Variants in SRBD1 observed in about 807,000 individuals in gnomAD.
SRBD1 encodes the protein S1 RNA-binding domain-containing protein 1.
A neutral mutation model predicts 115.3 loss-of-function variants in SRBD1; 88 were observed. That is an observed-to-expected ratio of 0.76 (90% CI 0.64 to 0.91). SRBD1 has a LOEUF of 0.91. SRBD1 is among the 40% of genes least tolerant of loss of function. The probability of loss-of-function intolerance (pLI) is 0.00; values close to 1 mark genes in which losing one functional copy is unlikely to be tolerated. For synonymous variants in SRBD1, 509 were observed against 407.7 expected (o/e 1.25, Z -2.99); for missense variants, 1,385 against 1,177.4 (o/e 1.18, Z -2.58).
chr2:45,497,010 T>G (rs964457662), intron 14 of SRBD1, among the ~76,000 whole-genome samples: 2 of 152,094 alleles, frequency 1.3e-5, no homozygotes. Context: ...AAAGAATGAG[T>G]TGCTCAGTTC....
intron 15 of SRBD1, among the ~76,000 whole-genome samples, chr2:45,484,762 G>T (rs1670065200): frequency 6.6e-6 from 1 of 152,150 alleles, no homozygotes; most frequent in Non-Finnish European, 1.5e-5. Context: ...TCTCTCCCCA[G>T]TCCCTGACAA....
At chr2:45,396,677 G>C (rs1315739846) in intron 19 of SRBD1, among the ~76,000 whole-genome samples, 1 of 152,166 alleles carries the variant, frequency 6.6e-6, no homozygotes, top group Non-Finnish European at 1.5e-5. Context: ...CTTGTTATAA[G>C]TGCAGGGCTT....
intron 16 of SRBD1, among the ~76,000 whole-genome samples, chr2:45,466,969 G>C (rs2103790669): frequency 6.6e-6 from 1 of 152,314 alleles, no homozygotes; most frequent in East Asian, 1.9e-4. Context: ...CAGGTTAACT[G>C]AATCAGAGTT....
intron 7 of SRBD1, among the ~76,000 whole-genome samples, chr2:45,577,224 G>A (rs1243569220): frequency 6.6e-6 from 1 of 152,144 alleles, no homozygotes; most frequent in Non-Finnish European, 1.5e-5. Context: ...GTCCAACCAG[G>A]GAGAAAAATA....
At chr2:45,526,230 CA>C (rs1245196377) in intron 14 of SRBD1, among the ~76,000 whole-genome samples, 4 of 151,920 alleles carry the variant, frequency 2.6e-5, no homozygotes, top group African/African-American at 9.7e-5. Flanking sequence ...AATGGATAAA[CA>C]AAATGTTGTA....
chr2:45,491,002 G>T (rs1322159630), intron 14 of SRBD1, among the ~76,000 whole-genome samples: 3 of 152,196 alleles, frequency 2.0e-5, no homozygotes, highest in African/African-American at 7.2e-5. Context: ...CCTCAACATT[G>T]ATTACTTCAA....
chr2:45,500,285 G>C (rs1357992517), intron 14 of SRBD1, among the ~76,000 whole-genome samples: 1 of 151,154 alleles, frequency 6.6e-6, no homozygotes, highest in East Asian at 1.9e-4. Context: ...GTCTCTGTGT[G>C]TGTGTGTGTG....
chr2:45,413,528 G>C (rs1402002929), intron 18 of SRBD1, among the ~76,000 whole-genome samples: 1 of 152,180 alleles, frequency 6.6e-6, no homozygotes, highest in African/African-American at 2.4e-5. Context: ...CATTCTAAGA[G>C]AGAAAAGAGG....
intron 8 of SRBD1, among the ~76,000 whole-genome samples, chr2:45,573,933 A>C (rs143160309): frequency 6.6e-6 from 1 of 152,324 alleles, no homozygotes; most frequent in Admixed American, 6.5e-5. Context: ...GCACAGCTCA[A>C]ACAGCTAGAT....
rs1332783064 is a variant in SRBD1 at position 45,553,681 on chromosome 2, T to G, written c.1459A>C (p.Asn487His). Residue 487 changes from asparagine (N) to histidine (H), a missense_variant, in exon 11 of 21, where the codon AAT (asparagine) becomes CAT (histidine). Asn to His is a moderately conservative substitution (Grantham distance 68). Transcript: ENST00000263736. Reference sequence around the variant, plus strand: ...CGTTTAAAGGAATCATTCAGTGAATTATATAAGATCTTCATTAACTCTGGC... The same window carrying G: ...CGTTTAAAGGAATCATTCAGTGAATGATATAAGATCTTCATTAACTCTGGC... ...ARPELMKILY[N>H]SLNDSFKRLI... 8 of 1,608,114 alleles carry G rather than the reference T, an allele frequency of 5.0e-6. No homozygotes were observed. Among genetic ancestry groups the G allele is most frequent in the East Asian group, 2.2e-5 (1 of 44,752 alleles).
chr2:45,475,953 C>A (rs1489127581), intron 16 of SRBD1, among the ~76,000 whole-genome samples: 1 of 152,202 alleles, frequency 6.6e-6, no homozygotes, highest in Non-Finnish European at 1.5e-5. Flanking sequence ...CCTGCCTTGG[C>A]CTCCCAAAGT....
At chr2:45,516,888 G>A (rs1671136633) in intron 14 of SRBD1, among the ~76,000 whole-genome samples, 1 of 152,124 alleles carries the variant, frequency 6.6e-6, no homozygotes, top group Non-Finnish European at 1.5e-5. Context: ...GTCACTCAAT[G>A]TATGAGTACC....
intron 14 of SRBD1, among the ~76,000 whole-genome samples, chr2:45,536,781 A>G (rs1387052783): frequency 6.6e-6 from 1 of 152,142 alleles, no homozygotes; most frequent in African/African-American, 2.4e-5. Context: ...GCAATTGTAT[A>G]AGGTAGTCTG....
In SRBD1 at chr2:45,500,920, T is replaced by C. The variant is rs571691226; in HGVS notation, c.1875-12589A>G. Among the ~76,000 whole-genome samples, 212 of 152,310 alleles carry C rather than the reference T, an allele frequency of 1.4e-3. 1 individual carries two copies. The highest frequency in any genetic ancestry group is 4.9e-3 in the African/African-American group (203 of 41,588). ...TGCCTAAATGCTCTGGCTAGGTCTA[T>C]GTTGGATAGAAGTGGGAAAGTAGGC... is the stretch of plus-strand genomic sequence containing the variant. On this transcript the variant is annotated intron_variant, in intron 14 of 20. Coordinates refer to ENST00000263736, the MANE Select transcript of SRBD1 (RefSeq NM_018079.5).
intron 16 of SRBD1, among the ~76,000 whole-genome samples, chr2:45,433,895 G>C (rs567829179): frequency 3.9e-5 from 6 of 152,276 alleles, no homozygotes; most frequent in Non-Finnish European, 7.4e-5. Context: ...GCATAAACTT[G>C]TAAAATAAAT....
chr2:45,585,269 TAA>T (rs1055571244), intron 5 of SRBD1, among the ~76,000 whole-genome samples: 2 of 152,246 alleles, frequency 1.3e-5, no homozygotes, highest in African/African-American at 4.8e-5. Context: ...TGTGAGTGGT[TAA>T]AAGAGTTAGA....
chr2:45,589,512 G>A (rs1297273762), intron 4 of SRBD1, among the ~76,000 whole-genome samples: 2 of 152,312 alleles, frequency 1.3e-5, no homozygotes, highest in East Asian at 3.9e-4. Flanking sequence ...TTTTGGAACT[G>A]TGTGATTGTT....
intron 4 of SRBD1, among the ~76,000 whole-genome samples, chr2:45,593,460 G>C (rs1225263148): frequency 1.3e-5 from 2 of 152,144 alleles, no homozygotes; most frequent in African/African-American, 2.4e-5. Context: ...TGAGTCTCAT[G>C]AGATCTGATG....
At chr2:45,398,683 A>C (rs1396351807) in intron 19 of SRBD1, among the ~76,000 whole-genome samples, 2 of 152,178 alleles carry the variant, frequency 1.3e-5, no homozygotes, top group Non-Finnish European at 2.9e-5. Context: ...AAAAGTCCCG[A>C]GATAGAAATC....
Sources: gnomAD v4.1 joint callset for allele counts (sites outside exome capture counted in the v4.1 genomes callset) on GRCh38, gnomAD v4.1.1 for gene constraint, MANE v1.5 for transcripts, NCBI Gene and HGNC (gene_info 2026-07-23, HGNC 2026-07-21) for gene names.